Variants in RPRD2 observed in about 807,000 individuals in gnomAD.
The protein encoded by RPRD2 is regulation of nuclear pre-mRNA domain-containing protein 2.
Under a neutral mutation model 104.4 loss-of-function variants are expected in RPRD2, and 12 were observed. The observed-to-expected ratio is 0.11, with a 90% CI of 0.07 to 0.19. The LOEUF is 0.19. Among genes scored for constraint, RPRD2 ranks in the 10% least tolerant of loss-of-function variants. The pLI is 1.00. For missense variants in RPRD2, 1,543 were observed against 1,790.1 expected (o/e 0.86, Z 2.49); for synonymous variants, 714 against 684.9 (o/e 1.04, Z -0.66).
At position 150,472,298 on chromosome 1, in the gene RPRD2, G is replaced by A. The variant is rs1264646010; in HGVS notation, c.3350G>A (p.Arg1117Lys). 3 of 1,614,008 alleles carry A rather than the reference G, an allele frequency of 1.9e-6. No individual in the cohort carries two copies. Among genetic ancestry groups the A allele is most frequent in the Non-Finnish European group, 2.5e-6 (3 of 1,179,892 alleles). Residue 1117 changes from arginine (R) to lysine (K), a missense_variant, in exon 11 of 11, where the codon AGA becomes AAA. Physicochemically the swap from Arg to Lys is conservative, Grantham distance 26 (BLOSUM62 2). Transcript: ENST00000369068. The stretch of plus-strand genomic sequence containing the variant: ...ATCCGAGTTCCTGGGAAGGGAAATA[G>A]AGGACATGGGCGTGAGGCTTCAAGG... The part of the protein sequence containing the change: ...ESIRVPGKGN[R>K]GHGREASRVG...
At chr1:150,426,307 GAGGTTAA>G (rs1665121682) in intron 2 of RPRD2, among the ~76,000 whole-genome samples, 1 of 152,142 alleles carries the variant, frequency 6.6e-6, no homozygotes, top group Non-Finnish European at 1.5e-5. Flanking sequence ...GCAGAGCTTA[GAGGTTAA>G]AAATGCAAGG....
chr1:150,387,450 A>G (rs1553882038), intron 1 of RPRD2, among the ~76,000 whole-genome samples: 1 of 151,790 alleles, frequency 6.6e-6, no homozygotes, highest in Admixed American at 6.6e-5. Flanking sequence ...GGGAAGGAGC[A>G]TGATTGTACT....
intron 1 of RPRD2, among the ~76,000 whole-genome samples, chr1:150,399,460 A>G (rs1662799335): frequency 6.6e-6 from 1 of 152,150 alleles, no homozygotes; most frequent in South Asian, 2.1e-4. Context: ...GCACCTTTGT[A>G]AAAAATCGAT....
At chr1:150,444,449 G>T in intron 6 of RPRD2, 72 bp downstream of exon 6, 1 of 1,492,168 alleles carries the variant, frequency 6.7e-7, no homozygotes, top group South Asian at 1.3e-5. Flanking sequence ...TAATCATACT[G>T]GTTTACCTCA....
rs1026949608 is a variant in RPRD2, at chr1:150,474,072, A to C, written c.*738A>C. On this transcript the variant is annotated 3_prime_UTR_variant, in exon 11 of 11. Coordinates refer to ENST00000369068, the MANE Select transcript of RPRD2 (RefSeq NM_015203.5). Reference sequence around the variant, plus strand: ...GTGACCTGCCTGTTTTTTTGTAAACAAGAGAATAGGAAATGTTTTCAAGGT... The same window carrying C: ...GTGACCTGCCTGTTTTTTTGTAAACCAGAGAATAGGAAATGTTTTCAAGGT... The C allele has an allele frequency of 6.6e-6, 1 of 152,188 alleles. No individual in the cohort carries two copies. The highest frequency in any genetic ancestry group is 2.4e-5 in the African/African-American group (1 of 41,454). 9.4% of individuals were successfully genotyped at this position (152,188 alleles called of 1,614,324 possible). A position where few individuals can be genotyped will look rare whatever the true frequency, so the allele number is the denominator to read the frequency against.
intron 1 of RPRD2, among the ~76,000 whole-genome samples, chr1:150,403,685 C>G (rs1421904894): frequency 6.6e-6 from 1 of 150,994 alleles, no homozygotes; most frequent in Non-Finnish European, 1.5e-5. Context: ...GAGTCTTGCT[C>G]TGGCCCAGGC....
intron 2 of RPRD2, among the ~76,000 whole-genome samples, chr1:150,418,711 T>A (rs1664546572): frequency 6.6e-6 from 1 of 152,112 alleles, no homozygotes; most frequent in Non-Finnish European, 1.5e-5. Context: ...TTTACAAAAC[T>A]AATTTCAAAA....
At chr1:150,432,405 T>A (rs1266891797) in intron 2 of RPRD2, among the ~76,000 whole-genome samples, 1 of 151,868 alleles carries the variant, frequency 6.6e-6, no homozygotes, top group Non-Finnish European at 1.5e-5. Flanking sequence ...AATATTTATG[T>A]CCCCCCGAAA....
intron 1 of RPRD2, among the ~76,000 whole-genome samples, chr1:150,408,592 G>T (rs1663672256): frequency 6.6e-6 from 1 of 151,778 alleles, no homozygotes; most frequent in African/African-American, 2.4e-5. Flanking sequence ...ATATAATATG[G>T]ATGTACCTTT....
In RPRD2 at chr1:150,475,570, T is replaced by G. The variant is rs773173675; in HGVS notation, c.*2236T>G. 4 of 152,588 alleles carry G rather than the reference T, an allele frequency of 2.6e-5. No homozygotes were observed. The highest frequency in any genetic ancestry group is 5.9e-5 in the Non-Finnish European group (4 of 68,026). The allele number at this position is 152,588 out of a possible 1,614,324, so 9.5% of individuals were successfully genotyped here. A position where few individuals can be genotyped will look rare whatever the true frequency, so the allele number is the denominator to read the frequency against. On this transcript the variant is annotated 3_prime_UTR_variant, in exon 11 of 11. Coordinates refer to ENST00000369068, the MANE Select transcript of RPRD2 (RefSeq NM_015203.5). ...GGGCTTTTAAGGAGTTGGGTTTTTG[T>G]GGGGTACTTTTTTGTTTTTTAAGCC...
chr1:150,382,532 T>C (rs2102137114), intron 1 of RPRD2, among the ~76,000 whole-genome samples: 1 of 152,302 alleles, frequency 6.6e-6, no homozygotes, highest in East Asian at 1.9e-4. Context: ...CTAATTTTTG[T>C]ATTTTTAGTA....
chr1:150,421,094 T>G (rs1664724249), intron 2 of RPRD2, among the ~76,000 whole-genome samples: 1 of 152,162 alleles, frequency 6.6e-6, no homozygotes, highest in Non-Finnish European at 1.5e-5. Context: ...CCAGATTTGG[T>G]CTGAGGTTCA....
chr1:150,451,470 C>T (rs1553896545), intron 7 of RPRD2, among the ~76,000 whole-genome samples: 4 of 151,164 alleles, frequency 2.6e-5, no homozygotes, highest in Admixed American at 2.0e-4. Context: ...GGCAGGAGAT[C>T]GAGACCATCC....
chr1:150,443,119 T>TATG (rs1666515857), intron 4 of RPRD2, 112 bp from the exon 5 acceptor site: 1 of 660,484 alleles, frequency 1.5e-6, no homozygotes, highest in South Asian at 1.8e-5. Context: ...GACTTAAATG[T>TATG]GCATGTTTGC....
intron 1 of RPRD2, among the ~76,000 whole-genome samples, chr1:150,409,647 C>CTTTTT (rs10684353): frequency 1.3e-4 from 15 of 114,586 alleles, no homozygotes; most frequent in Non-Finnish European, 1.7e-4. Flanking sequence ...TGTTGCAATT[C>CTTTTT]TTTTTTTTTT....
chr1:150,447,956 A>G (rs1273023334), intron 7 of RPRD2, among the ~76,000 whole-genome samples: 2 of 152,122 alleles, frequency 1.3e-5, no homozygotes, highest in African/African-American at 4.8e-5. Flanking sequence ...TTTAGCTTAT[A>G]CTCACCCGCC....
At chr1:150,454,859 A>G (rs1277970549) in intron 7 of RPRD2, among the ~76,000 whole-genome samples, 2 of 152,194 alleles carry the variant, frequency 1.3e-5, no homozygotes, top group African/African-American at 2.4e-5. Flanking sequence ...AATAAAATAA[A>G]ATAAAGGTTC....
intron 2 of RPRD2, among the ~76,000 whole-genome samples, chr1:150,423,958 A>G (rs1039057114): frequency 1.3e-5 from 2 of 151,686 alleles, no homozygotes; most frequent in Non-Finnish European, 2.9e-5. Flanking sequence ...ACGCCTGGCT[A>G]ATTTTGTACT....
At chr1:150,377,610 A>AG (rs1283972016) in intron 1 of RPRD2, among the ~76,000 whole-genome samples, 2 of 152,038 alleles carry the variant, frequency 1.3e-5, no homozygotes, top group Non-Finnish European at 2.9e-5. Context: ...AAAAAAAAAA[A>AG]AAACATTTAG....
Sources: allele counts gnomAD v4.1 joint callset (sites outside exome capture counted in the v4.1 genomes callset), GRCh38; gene constraint gnomAD v4.1.1; transcripts MANE v1.5; gene names NCBI Gene and HGNC (gene_info 2026-07-23, HGNC 2026-07-21).